Variants in ZMYM2 observed in about 807,000 individuals in gnomAD.
ZMYM2 encodes zinc finger MYM-type containing 2.
ZMYM2 carries 56 observed loss-of-function variants against 162.8 expected under a neutral mutation model. That is an observed-to-expected ratio of 0.34 (90% CI 0.28 to 0.43). The LOEUF is 0.43. ZMYM2 is among the 20% of genes least tolerant of loss of function. The probability of loss-of-function intolerance (pLI) is 1.00; values close to 1 mark genes in which losing one functional copy is unlikely to be tolerated. For missense variants in ZMYM2, 1,275 were observed against 1,621.8 expected, an observed-to-expected ratio of 0.79 and a Z score of 3.67; for synonymous variants, 510 against 541.6, an observed-to-expected ratio of 0.94 and a Z score of 0.81.
chr13:19,956,313 C>T (rs76837294), upstream of ZMYM2, among the ~76,000 whole-genome samples: 955 of 152,300 alleles, frequency 6.3e-3, 17 homozygotes, highest in African/African-American at 0.022. Flanking sequence ...TAGTGTATAT[C>T]AGAACTTCAC....
intron 2 of ZMYM2, among the ~76,000 whole-genome samples, chr13:19,975,874 A>ATGTATGTG (rs1326707323): frequency 7.9e-6 from 1 of 126,420 alleles, no homozygotes; most frequent in Non-Finnish European, 1.6e-5. Flanking sequence ...GTATGTATGT[A>ATGTATGTG]TGTATGTATG....
At chr13:19,937,770 T>C in the ZMYM2 span, among the ~76,000 whole-genome samples, 7 of 144,720 alleles carry the variant, frequency 4.8e-5, no homozygotes, top group Non-Finnish European at 9.1e-5. Context: ...GTATATCTCC[T>C]AGTGCTATCC....
chr13:19,958,205 C>G (rs898156899), upstream of ZMYM2, among the ~76,000 whole-genome samples: 3 of 152,008 alleles, frequency 2.0e-5, no homozygotes, highest in Non-Finnish European at 2.9e-5. Context: ...AGCGCCTCCC[C>G]GGCCTCGCCC....
the ZMYM2 span, among the ~76,000 whole-genome samples, chr13:19,877,744 A>C: frequency 6.6e-6 from 1 of 152,206 alleles, no homozygotes; most frequent in Admixed American, 6.5e-5. Flanking sequence ...TTTAAGACTA[A>C]ACAATATTCC....
chr13:20,041,050 C>G (rs1391309243), intron 12 of ZMYM2, among the ~76,000 whole-genome samples: 1 of 152,084 alleles, frequency 6.6e-6, no homozygotes, highest in Non-Finnish European at 1.5e-5. Flanking sequence ...GAGTATGTGC[C>G]ATGTGACAGT....
At chr13:20,078,826 T>C (rs1445371646) in intron 21 of ZMYM2, among the ~76,000 whole-genome samples, 1 of 152,182 alleles carries the variant, frequency 6.6e-6, no homozygotes, top group Non-Finnish European at 1.5e-5. Context: ...AATATTATAC[T>C]TTTTAACTTT....
chr13:19,989,585 G>T (rs1949442876), intron 2 of ZMYM2, among the ~76,000 whole-genome samples: 1 of 152,138 alleles, frequency 6.6e-6, no homozygotes, highest in South Asian at 2.1e-4. Context: ...GAGATGTTCT[G>T]ATACAGGCAT....
At chr13:20,061,331 G>T in intron 17 of ZMYM2, 107 bp downstream of exon 17, 2 of 1,269,104 alleles carry the variant, frequency 1.6e-6, no homozygotes, top group South Asian at 3.3e-5. Context: ...ACTTATGTGG[G>T]GGTGAGGAAA....
At chr13:19,888,308 C>T in the ZMYM2 span, among the ~76,000 whole-genome samples, 1 of 151,826 alleles carries the variant, frequency 6.6e-6, no homozygotes, top group African/African-American at 2.4e-5. Flanking sequence ...CCCATGTCAG[C>T]CCCCAAGTAG....
At chr13:20,085,371 A>G (rs1490348997) in intron 24 of ZMYM2, among the ~76,000 whole-genome samples, 3 of 152,198 alleles carry the variant, frequency 2.0e-5, no homozygotes, top group Non-Finnish European at 2.9e-5. Flanking sequence ...CTATCTCACT[A>G]TTACCTTGTT....
chr13:19,967,443 C>G (rs1257400358), intron 2 of ZMYM2, among the ~76,000 whole-genome samples: 1 of 152,104 alleles, frequency 6.6e-6, no homozygotes, highest in Non-Finnish European at 1.5e-5. Context: ...TGGAGTCATA[C>G]AGATTCAGGC....
At chr13:19,927,522 T>C in the ZMYM2 span, among the ~76,000 whole-genome samples, 1 of 152,228 alleles carries the variant, frequency 6.6e-6, no homozygotes, top group Non-Finnish European at 1.5e-5. Flanking sequence ...TGTGTGAATA[T>C]ACCACAATTA....
Position 20,039,646 on chromosome 13 carries a change from T to G in ZMYM2, c.2292+2737T>G, listed in dbSNP as rs563983405. On this transcript the variant is annotated intron_variant, in intron 12 of 24. Transcript: ENST00000610343. ...CCGCCACCATGCCCAGCTAATTTTT[T>G]TGTGTGTTTTTAGTAGAGATGGGAT... 3.2e-3 allele frequency among the ~76,000 whole-genome samples: 483 copies of G among 152,004 alleles called. 3 individuals carry two copies. The highest frequency in any genetic ancestry group is 0.011 in the African/African-American group (465 of 41,432).
At chr13:19,874,921 T>G in the ZMYM2 span, among the ~76,000 whole-genome samples, 1 of 152,068 alleles carries the variant, frequency 6.6e-6, no homozygotes, top group Admixed American at 6.6e-5. Context: ...ATATAACAGA[T>G]GTGGGTGAGG....
intron 21 of ZMYM2, among the ~76,000 whole-genome samples, chr13:20,068,645 G>A (rs940480687): frequency 6.6e-6 from 1 of 152,088 alleles, no homozygotes; most frequent in Non-Finnish European, 1.5e-5. Context: ...AGGAGGGAGG[G>A]GGAGACTAGG....
intron 23 of ZMYM2, among the ~76,000 whole-genome samples, chr13:20,083,293 C>G (rs1414092050): frequency 6.6e-6 from 1 of 152,174 alleles, no homozygotes; most frequent in Non-Finnish European, 1.5e-5. Flanking sequence ...AACTCCCGAC[C>G]TCAGGTGATC....
At chr13:20,037,259 A>C (rs1393459784) in intron 12 of ZMYM2, among the ~76,000 whole-genome samples, 1 of 119,370 alleles carries the variant, frequency 8.4e-6, no homozygotes, top group Non-Finnish European at 1.6e-5. Flanking sequence ...TCTGTCGCCC[A>C]GGCTAGAGTG....
At position 20,064,475 on chromosome 13, in the gene ZMYM2, A is replaced by G; in HGVS notation, c.3062A>G (p.Asn1021Ser). 1.2e-6 allele frequency: 2 copies of G among 1,600,298 alleles called. No individual in the cohort carries two copies. Among genetic ancestry groups the G allele is most frequent in the South Asian group, 2.3e-5 (2 of 88,154 alleles). ...PRAAEELDMENEFLLPPVFGE... is the reference protein window; with the variant it reads ...PRAAEELDMESEFLLPPVFGE... The stretch of plus-strand genomic sequence containing the variant: ...GCTGCTGAGGAGCTTGATATGGAAA[A>G]TGAATTTTTATTACCACCTGTTTTT... Residue 1021 changes from asparagine (N) to serine (S), a missense_variant, in exon 19 of 25, where the codon AAT becomes AGT. Around this residue, in one of 10 missense-constraint regions of ZMYM2, gnomAD observed 229 missense variants for 283.8 expected, o/e 0.81. Transcript: ENST00000610343.
intron 2 of ZMYM2, among the ~76,000 whole-genome samples, chr13:19,988,083 G>T (rs2139644118): frequency 6.6e-6 from 1 of 152,252 alleles, no homozygotes; most frequent in East Asian, 1.9e-4. Flanking sequence ...GGGACCTTGG[G>T]CAGTTTTAAT....
Sources: gnomAD v4.1 joint callset for allele counts (sites outside exome capture counted in the v4.1 genomes callset) on GRCh38, gnomAD v4.1.1 for gene constraint, gnomAD v4.1.1 regional missense constraint, MANE v1.5 for transcripts, NCBI Gene and HGNC (gene_info 2026-07-23, HGNC 2026-07-21) for gene names.